Variants in CCDC62 observed in about 807,000 individuals in gnomAD.
CCDC62 encodes coiled-coil domain containing 62.
Under a neutral mutation model 80.8 loss-of-function variants are expected in CCDC62, and 72 were observed. The ratio of observed to expected loss-of-function variants is 0.89; its 90% CI spans 0.74 to 1.08. The LOEUF (loss-of-function observed/expected upper bound fraction) is 1.08, where lower values mean the gene tolerates loss of function less well. Ranked by LOEUF, CCDC62 falls within the 50% of genes least tolerant of loss-of-function variation. The pLI, the probability that CCDC62 is intolerant of heterozygous loss-of-function variation, is 0.00. For missense variants in CCDC62, 704 were observed against 809.4 expected (o/e 0.87, Z 1.58); for synonymous variants, 286 against 296.5 (o/e 0.96, Z 0.36).
At chr12:122,788,554 C>G (rs922173520) in intron 4 of CCDC62, among the ~76,000 whole-genome samples, 2 of 152,188 alleles carry the variant, frequency 1.3e-5, no homozygotes, top group Non-Finnish European at 2.9e-5. Context: ...GGGCAAGGAA[C>G]GCAGCCTTTC....
intron 3 of CCDC62, among the ~76,000 whole-genome samples, chr12:122,784,796 C>G (rs895498328): frequency 6.6e-6 from 1 of 152,128 alleles, no homozygotes; most frequent in Non-Finnish European, 1.5e-5. Flanking sequence ...GAGTGCACCA[C>G]TGCACTCCAG....
At chr12:122,813,240 C>A (rs370215804) in intron 10 of CCDC62, 30 bp from the exon 11 acceptor site, 1 of 1,575,974 alleles carries the variant, frequency 6.3e-7, no homozygotes, top group African/African-American at 1.4e-5. Flanking sequence ...TAAACCTAAG[C>A]ATTTAAAGGT....
chr12:122,805,578 G>A (rs372475562), intron 9 of CCDC62, among the ~76,000 whole-genome samples: 3 of 140,854 alleles, frequency 2.1e-5, no homozygotes, highest in East Asian at 4.3e-4. Flanking sequence ...GCAGTGGCGC[G>A]ATCTCAGCTC....
rs891696558 is a variant in CCDC62, at chr12:122,785,651, G to A, written c.397-68G>A. ...CAAAATAGAGAAGTAAGCGCAGATT[G>A]TGGCTAGCAAGAGTAGTGAAAGCTT... On this transcript the variant is annotated intron_variant, in intron 3 of 12. Coordinates refer to ENST00000253079, the MANE Select transcript of CCDC62 (RefSeq NM_201435.5). 10 of 1,031,028 alleles carry A rather than the reference G, an allele frequency of 9.7e-6. 1 individual carries two copies. The Admixed American group carries it at 1.7e-4, about 17-fold the overall frequency. The allele number at this position is 1,031,028 out of a possible 1,614,324, so 63.9% of individuals were successfully genotyped here.
Position 122,806,160 on chromosome 12 carries a change from T to C in CCDC62, c.1716T>C (p.Ile572=). The C allele has an allele frequency of 1.2e-6, 2 of 1,612,598 alleles. No homozygotes were observed. Among genetic ancestry groups the C allele is most frequent in the Non-Finnish European group, 1.7e-6 (2 of 1,179,268 alleles). Residue 572 remains isoleucine (I), a synonymous_variant, in exon 10 of 13, where the codon ATT becomes ATC. Transcript: ENST00000253079. ...GTTTTCTTATTCTTAGTGAGCTAAT[T>C]GCCATCCAAGATTCCCACTCTTTGG... The part of the protein sequence containing the change: ...TQHDSPASEL[I]AIQDSHSLGS...
chr12:122,798,302 T>G, intron 8 of CCDC62, 102 bp downstream of exon 8: 1 of 678,394 alleles, frequency 1.5e-6, no homozygotes, highest in Non-Finnish European at 2.6e-6. Flanking sequence ...CTATTCCCCA[T>G]ATGGTAGGAA....
chr12:122,819,039 A>G (rs11060180), intron 11 of CCDC62, among the ~76,000 whole-genome samples: 51,652 of 152,150 alleles, frequency 0.34, 10,397 homozygotes, highest in Middle Eastern at 0.46. Context: ...TCAACAAAGT[A>G]CAGCTAGAAT....
At chr12:122,824,242 C>T (rs1382918822) in intron 12 of CCDC62, among the ~76,000 whole-genome samples, 1 of 151,742 alleles carries the variant, frequency 6.6e-6, no homozygotes, top group Non-Finnish European at 1.5e-5. Context: ...ATGGTGAAAC[C>T]GCGTTTCTAC....
intron 6 of CCDC62, among the ~76,000 whole-genome samples, chr12:122,793,465 G>A (rs1457988934): frequency 2.0e-5 from 3 of 152,040 alleles, no homozygotes; most frequent in Non-Finnish European, 4.4e-5. Context: ...CTTCACCAGT[G>A]GAAACTCTGA....
intron 8 of CCDC62, among the ~76,000 whole-genome samples, chr12:122,800,204 C>T (rs977853401): frequency 9.4e-6 from 1 of 106,056 alleles, no homozygotes; most frequent in Non-Finnish European, 1.8e-5. Flanking sequence ...TATGGGGTTT[C>T]GTCGTGTTGC....
In CCDC62 at chr12:122,775,356, C is replaced by T. The variant is rs375131807; in HGVS notation, c.36+650C>T. Among the ~76,000 whole-genome samples, 34 of 152,326 alleles carry T rather than the reference C, an allele frequency of 2.2e-4. 1 individual carries two copies. The South Asian group carries it at 5.6e-3, about 25-fold the overall frequency. ...CTGTACCAAAAAGTCTGGAAGTGGGCTTGCCCAAGGTTCGCGTCCATCAGT... is the reference window on the plus strand; with the variant it reads ...CTGTACCAAAAAGTCTGGAAGTGGGTTTGCCCAAGGTTCGCGTCCATCAGT... On this transcript the variant is annotated intron_variant, in intron 1 of 12. Coordinates refer to ENST00000253079, the MANE Select transcript of CCDC62 (RefSeq NM_201435.5).
intron 4 of CCDC62, among the ~76,000 whole-genome samples, chr12:122,787,871 G>A (rs1766760937): frequency 6.6e-6 from 1 of 152,188 alleles, no homozygotes. Flanking sequence ...GGAATCCCAG[G>A]TTTAAGGCTG....
Position 122,825,807 on chromosome 12 carries a change from G to A in CCDC62, c.*41-615G>A, listed in dbSNP as rs369199438. ...TTGAGACCATCCTGGCCAACATGGC[G>A]AAACCCCGTCTCTACTAAAAATACC... On this transcript the variant is annotated intron_variant, in intron 12 of 12. Coordinates refer to ENST00000253079, the MANE Select transcript of CCDC62 (RefSeq NM_201435.5). 6.2e-3 allele frequency among the ~76,000 whole-genome samples: 795 copies of A among 128,188 alleles called. 10 individuals carry two copies. Among genetic ancestry groups the A allele is most frequent in the African/African-American group, 0.021 (761 of 36,122 alleles). The allele number at this position is 128,188 out of a possible 152,430, so 84.1% of individuals were successfully genotyped here.
intron 11 of CCDC62, among the ~76,000 whole-genome samples, chr12:122,818,594 C>T (rs1671683): frequency 0.11 from 16,640 of 151,864 alleles, 2,137 homozygotes; most frequent in African/African-American, 0.31. Flanking sequence ...TGTACTCCAG[C>T]TTGGGCCATA....
intron 5 of CCDC62, among the ~76,000 whole-genome samples, chr12:122,789,294 T>C (rs1343814895): frequency 1.3e-5 from 2 of 152,244 alleles, no homozygotes; most frequent in Non-Finnish European, 2.9e-5. Flanking sequence ...GTTGGCTGAC[T>C]GTGGTTGGGC....
intron 11 of CCDC62, among the ~76,000 whole-genome samples, chr12:122,819,922 C>T (rs1431473572): frequency 1.3e-5 from 2 of 151,154 alleles, no homozygotes; most frequent in African/African-American, 4.9e-5. Context: ...ATTAGCGGGG[C>T]ATGGTGGTGC....
At chr12:122,791,185 G>A (rs1371115357) in intron 5 of CCDC62, among the ~76,000 whole-genome samples, 1 of 152,094 alleles carries the variant, frequency 6.6e-6, no homozygotes, top group Non-Finnish European at 1.5e-5. Context: ...TTGTCGCCCA[G>A]GCTGGAGTGC....
chr12:122,779,881 C>T (rs1201607359), intron 2 of CCDC62, among the ~76,000 whole-genome samples: 14 of 136,140 alleles, frequency 1.0e-4, no homozygotes, highest in Admixed American at 1.5e-4. Flanking sequence ...GCACTCCAGC[C>T]TGGGCTACAG....
chr12:122,784,527 A>G (rs1236458382), intron 3 of CCDC62, among the ~76,000 whole-genome samples: 1 of 151,854 alleles, frequency 6.6e-6, no homozygotes, highest in African/African-American at 2.4e-5. Flanking sequence ...CTCAAAAATA[A>G]TGATAATAAT....
Sources: gnomAD v4.1 joint callset for allele counts (sites outside exome capture counted in the v4.1 genomes callset) on GRCh38, gnomAD v4.1.1 for gene constraint, MANE v1.5 for transcripts, NCBI Gene and HGNC (gene_info 2026-07-23, HGNC 2026-07-21) for gene names.